Variants in TCIRG1 observed in about 807,000 individuals in gnomAD.
TCIRG1 encodes T cell immune regulator 1, ATPase H+ transporting V0 subunit a3, also known as V-type proton ATPase 116 kDa subunit a 3.
In TCIRG1, 86 loss-of-function variants were observed where a neutral mutation model predicts 95.5. The ratio of observed to expected loss-of-function variants is 0.90; its 90% CI spans 0.76 to 1.08. The LOEUF is 1.08. Among genes scored for constraint, TCIRG1 ranks in the 50% least tolerant of loss-of-function variants. The pLI is 0.00. For missense variants in TCIRG1, 1,069 were observed against 1,140.2 expected, an observed-to-expected ratio of 0.94 and a Z score of 0.90; for synonymous variants, 499 against 501.3, an observed-to-expected ratio of 1.00 and a Z score of 0.06.
At position 68,048,811 on chromosome 11, in the gene TCIRG1, GC is replaced by G. The variant is rs768709483; in HGVS notation, c.1555-66del. 169 of 1,150,156 alleles carry G rather than the reference GC, an allele frequency of 1.5e-4. 1 individual carries two copies. In the East Asian group the frequency reaches 3.9e-3, roughly 27 times the overall value. 71.2% of individuals were successfully genotyped at this position (1,150,156 alleles called of 1,614,324 possible). A position where few individuals can be genotyped will look rare whatever the true frequency, so the allele number is the denominator to read the frequency against. On this transcript the variant is annotated intron_variant, in intron 13 of 19. Transcript: ENST00000265686. ...ACAGGGTGGTGAGAGAGTGACTCGG[GC>G]CGGGGACTTCCTGGCAGTGATGGCG...
downstream of TCIRG1, chr11:68,052,998 A>G (rs565991353): frequency 2.0e-5 from 3 of 152,568 alleles, no homozygotes; most frequent in Non-Finnish European, 4.4e-5. Context: ...ATATATATGG[A>G]TTTCACAGCT....
chr11:68,051,001 G>A (rs781475093), downstream of TCIRG1: 4 of 688,274 alleles, frequency 5.8e-6, no homozygotes, highest in East Asian at 2.7e-5. Context: ...GACCTGAGCA[G>A]ATCTGCAATA....
chr11:68,043,488 C>T lies in TCIRG1; in HGVS notation c.621C>T (p.His207=), dbSNP rs1196775794. 6.4e-7 allele frequency: 1 copy of T among 1,566,662 alleles called. No individual in the cohort carries two copies. Among genetic ancestry groups the T allele is most frequent in the South Asian group, 1.2e-5 (1 of 85,586 alleles). ...GGGAGCTGGAGCAGCCGCTGGAGCA[C>T]CCCGTGACGGTGAGCAGCTGGCGCT... The part of the protein sequence containing the change: ...SFRELEQPLE[H]PVTGEPATWM... The change falls in exon 6 of 20, where the codon CAC becomes CAT. Residue 207 remains histidine (H), a synonymous_variant. Coordinates refer to ENST00000265686, the MANE Select transcript of TCIRG1 (RefSeq NM_006019.4).
At chr11:68,042,593 A>G (rs908125905) in intron 3 of TCIRG1, 50 bp from the exon 4 acceptor site, 3 of 1,452,044 alleles carry the variant, frequency 2.1e-6, no homozygotes, top group African/African-American at 1.4e-5. Context: ...GGGGCCCTCA[A>G]CTGTTGAGAC....
rs989561141 is a variant in TCIRG1, at chr11:68,040,959, G to T, written c.-4-309G>T. 5.5e-4 allele frequency among the ~76,000 whole-genome samples: 84 copies of T among 152,330 alleles called. 1 individual carries two copies. The highest frequency in any genetic ancestry group is 2.0e-3 in the African/African-American group (84 of 41,582). Reference sequence around the variant, plus strand: ...CCGAGAGGAGGGAGGCCAGAGTGAAGGTGGGGGTGGAGCCGGTGTCACTGG... The same window carrying T: ...CCGAGAGGAGGGAGGCCAGAGTGAATGTGGGGGTGGAGCCGGTGTCACTGG... On this transcript the variant is annotated intron_variant, in intron 1 of 19. Transcript: ENST00000265686.
Position 68,050,142 on chromosome 11 carries a change from C to G in TCIRG1, c.2124C>G (p.Val708=). Reference sequence around the variant, plus strand: ...TCACTGCACCCGCCCCGCAGCTCGTCCCCTCCGAGGTGCTCATGCACCAGG... The same window carrying G: ...TCACTGCACCCGCCCCGCAGCTCGTGCCCTCCGAGGTGCTCATGCACCAGG... The part of the protein sequence containing the change: ...GLDDEEEAEL[V]PSEVLMHQAI... Residue 708 remains valine, a synonymous_variant, in exon 18 of 20, where the codon GTC becomes GTG. Transcript: ENST00000265686. 1 of 1,613,192 alleles carries G rather than the reference C, an allele frequency of 6.2e-7. No individual in the cohort carries two copies. Among genetic ancestry groups the G allele is most frequent in the Middle Eastern group, 1.6e-4 (1 of 6,062 alleles).
rs1419160143 is a variant in TCIRG1 at position 68,043,847 on chromosome 11, G to T, written c.747G>T (p.Gln249His). 1.3e-6 allele frequency: 2 copies of T among 1,560,820 alleles called. No homozygotes were observed. Among genetic ancestry groups the T allele is most frequent in the Admixed American group, 1.9e-5 (1 of 52,282 alleles). Residue 249 changes from glutamine to histidine, a missense_variant, in exon 8 of 20, where the codon CAG becomes CAT. Gln to His is a conservative substitution (Grantham distance 24, BLOSUM62 0). Transcript: ENST00000265686. ...FHCHVFPFLQ[Q>H]EEARLGALQQ... is the part of the protein sequence containing the mutation. Reference sequence around the variant, plus strand: ...GCCACGTCTTCCCGTTTCTGCAGCAGGAGGAGGCCCGCCTCGGGGCCCTGC... The same window carrying T: ...GCCACGTCTTCCCGTTTCTGCAGCATGAGGAGGCCCGCCTCGGGGCCCTGC...
At chr11:68,047,057 C>A in intron 10 of TCIRG1, 1 of 370,614 alleles carries the variant, frequency 2.7e-6, no homozygotes, top group South Asian at 1.8e-5. Flanking sequence ...GTCGCGCAGG[C>A]TGGAGTGCAG....
intron 3 of TCIRG1, 127 bp downstream of exon 3, chr11:68,041,958 T>G: frequency 2.2e-5 from 18 of 822,642 alleles, no homozygotes; most frequent in Non-Finnish European, 3.4e-5. Context: ...TGCAGGGCCC[T>G]GCAGGGCCAA....
In TCIRG1 at chr11:68,043,834, C is replaced by T. The variant is rs550724647; in HGVS notation, c.734C>T (p.Pro245Leu). ...TCCAGCTTCCACTGCCACGTCTTCCCGTTTCTGCAGCAGGAGGAGGCCCGC... is the reference window on the plus strand; with the variant it reads ...TCCAGCTTCCACTGCCACGTCTTCCTGTTTCTGCAGCAGGAGGAGGCCCGC... ...ITDCFHCHVF[P>L]FLQQEEARLG... is the part of the protein sequence containing the mutation. The change falls in exon 8 of 20, where the codon CCG becomes CTG. Residue 245 changes from proline to leucine, a missense_variant. Transcript: ENST00000265686. 9.0e-6 allele frequency: 14 copies of T among 1,563,146 alleles called. No homozygotes were observed. The East Asian group carries it at 9.5e-5, about 11-fold the overall frequency.
chr11:68,044,857 C>A (rs1855392860), intron 9 of TCIRG1, 101 bp from the exon 10 acceptor site: 2 of 1,478,596 alleles, frequency 1.4e-6, no homozygotes, highest in African/African-American at 1.4e-5. Context: ...GCCCAGTGAG[C>A]CCCCACAGGG....
chr11:68,041,279 C>A lies in TCIRG1; in HGVS notation c.8C>A (p.Ser3Tyr). Residue 3 changes from serine to tyrosine, a missense_variant, in exon 2 of 20, where the codon TCC becomes TAC. Transcript: ENST00000265686. Reference protein sequence around the residue: MGSMFRSEEVALV... With the variant: MGYMFRSEEVALV... Reference sequence around the variant, plus strand: ...GTGTCCACCCACAGGACCATGGGCTCCATGTTCCGGAGCGAGGAGGTGGCC... The same window carrying A: ...GTGTCCACCCACAGGACCATGGGCTACATGTTCCGGAGCGAGGAGGTGGCC... The A allele has an allele frequency of 6.2e-7, 1 of 1,612,552 alleles. No homozygotes were observed. The highest frequency in any genetic ancestry group is 8.5e-7 in the Non-Finnish European group (1 of 1,179,506).
At position 68,049,955 on chromosome 11, in the gene TCIRG1, G is replaced by A. The variant is rs1855711867; in HGVS notation, c.2014-7G>A. On this transcript the variant is annotated splice_region_variant and splice_polypyrimidine_tract_variant and intron_variant, in intron 16 of 19. Transcript: ENST00000265686. ...AGTGCTGCCAACACTGCCTGCTCATGCCCCAGGAGGAAAACAAGGCCGGGT... is the reference window on the plus strand; with the variant it reads ...AGTGCTGCCAACACTGCCTGCTCATACCCCAGGAGGAAAACAAGGCCGGGT... 8 of 1,607,960 alleles carry A rather than the reference G, an allele frequency of 5.0e-6. No individual in the cohort carries two copies. The highest frequency in any genetic ancestry group is 5.9e-6 in the Non-Finnish European group (7 of 1,178,210).
rs371658110 is a variant in TCIRG1 at position 68,043,441 on chromosome 11, G to A, written c.574G>A (p.Gly192Ser). The change falls in exon 6 of 20, where the codon GGC becomes AGC. Residue 192 changes from glycine to serine, a missense_variant. Gly to Ser is a moderately conservative substitution (Grantham distance 56). Coordinates refer to ENST00000265686, the MANE Select transcript of TCIRG1 (RefSeq NM_006019.4). ...GCGCCTGCTCTGGAGGGCCTGCCGC[G>A]GCTTCCTCATTGCCAGCTTCAGGGA... ...LERLLWRACR[G>S]FLIASFRELE... 1.1e-4 allele frequency: 176 copies of A among 1,549,258 alleles called. No individual in the cohort carries two copies. The highest frequency in any genetic ancestry group is 1.4e-4 in the Non-Finnish European group (162 of 1,147,556).
Position 68,044,138 on chromosome 11 carries a change from G to A in TCIRG1, c.814G>A (p.Gly272Arg), listed in dbSNP as rs769761112. The A allele has an allele frequency of 2.0e-4, 310 of 1,548,694 alleles. No homozygotes were observed. The highest frequency in any genetic ancestry group is 2.5e-4 in the Non-Finnish European group (284 of 1,147,106). Residue 272 changes from glycine to arginine, a missense_variant, in exon 9 of 20, where the codon GGG (glycine) becomes AGG (arginine). Gly to Arg is a moderately radical substitution (Grantham distance 125). Transcript: ENST00000265686. ...QQSQELQEVL[G>R]ETERFLSQVL... ...ACTGCCCACTCTGGCGCAGGTCCTC[G>A]GGGAGACAGAGCGGTTCCTGAGCCA...
At position 68,047,821 on chromosome 11, in the gene TCIRG1, A is replaced by T; in HGVS notation, c.1463+17A>T. On this transcript the variant is annotated intron_variant, in intron 12 of 19. Coordinates refer to ENST00000265686, the MANE Select transcript of TCIRG1 (RefSeq NM_006019.4). ...TGGCTGGAGGTGAGGCCCGGGCCCCAGCCCGGCTGGGGGCCCCGCAGCACC... is the reference window on the plus strand; with the variant it reads ...TGGCTGGAGGTGAGGCCCGGGCCCCTGCCCGGCTGGGGGCCCCGCAGCACC... The T allele has an allele frequency of 6.2e-7, 1 of 1,612,206 alleles. No homozygotes were observed. Among genetic ancestry groups the T allele is most frequent in the Non-Finnish European group, 8.5e-7 (1 of 1,179,378 alleles).
At position 68,047,722 on chromosome 11, in the gene TCIRG1, TACA is replaced by T. The variant is rs771271907; in HGVS notation, c.1384_1386del (p.Asn462del). ...GTTCTCCATCTACACCGGCTTCATC[TACA>T]ACGAGTGCTTCAGTCGCGCCACCAG... is the stretch of plus-strand genomic sequence containing the variant. On this transcript the variant is annotated inframe_deletion, in exon 12 of 20. Transcript: ENST00000265686. 5.6e-6 allele frequency: 9 copies of T among 1,613,334 alleles called. No individual in the cohort carries two copies. Among genetic ancestry groups the T allele is most frequent in the East Asian group, 4.5e-5 (2 of 44,886 alleles).
At chr11:68,039,476 C>T (rs191241622) in intron 1 of TCIRG1, among the ~76,000 whole-genome samples, 131 of 152,256 alleles carry the variant, frequency 8.6e-4, no homozygotes, top group African/African-American at 3.1e-3. Context: ...CCAGAGCCCA[C>T]CCCATTTGGA....
At position 68,050,303 on chromosome 11, in the gene TCIRG1, A is replaced by G. The variant is rs374274121; in HGVS notation, c.2236+49A>G. 144 of 1,600,270 alleles carry G rather than the reference A, an allele frequency of 9.0e-5. 1 individual carries two copies. The African/African-American group carries it at 1.8e-3, about 20-fold the overall frequency. ...CTGGCCCCAGCTCCTGGCTTCTCAC[A>G]TACCGCTGCTGGCTGGGCGGGTTGC... On this transcript the variant is annotated intron_variant, in intron 18 of 19. Coordinates refer to ENST00000265686, the MANE Select transcript of TCIRG1 (RefSeq NM_006019.4).
Sources: gnomAD v4.1 joint callset for allele counts (sites outside exome capture counted in the v4.1 genomes callset) on GRCh38, gnomAD v4.1.1 for gene constraint, MANE v1.5 for transcripts, NCBI Gene and HGNC (gene_info 2026-07-23, HGNC 2026-07-21) for gene names.